The following GALNT17 variants were observed in gnomAD, a reference collection of about 807,000 sequenced individuals.
The protein encoded by GALNT17 is UDP-GalNAc:polypeptide N-acetylgalactosaminyltransferase-like 3.
A neutral mutation model predicts 63.7 loss-of-function variants in GALNT17; 29 were observed. The observed-to-expected ratio is 0.46, with a 90% CI of 0.34 to 0.62. GALNT17 has a LOEUF of 0.62. Among genes scored for constraint, GALNT17 ranks in the 20% least tolerant of loss-of-function variants. The pLI is 0.01. For missense variants in GALNT17, 603 were observed against 799.6 expected (o/e 0.75, Z 2.97); for synonymous variants, 305 against 318.3 (o/e 0.96, Z 0.45).
At chr7:71,527,759 A>G (rs1000923035) in intron 5 of GALNT17, among the ~76,000 whole-genome samples, 3 of 152,188 alleles carry the variant, frequency 2.0e-5, no homozygotes, top group Non-Finnish European at 4.4e-5. Context: ...ACGTGTGTGT[A>G]TGCGCACGCG....
At chr7:71,373,618 G>C (rs1184863306) in intron 2 of GALNT17, among the ~76,000 whole-genome samples, 1 of 146,638 alleles carries the variant, frequency 6.8e-6, no homozygotes, top group Non-Finnish European at 1.5e-5. Context: ...GCTCCTGTCA[G>C]ATCAGCGGCA....
chr7:71,527,750 C>T (rs568391705), intron 5 of GALNT17, among the ~76,000 whole-genome samples: 3 of 152,284 alleles, frequency 2.0e-5, no homozygotes, highest in Admixed American at 6.5e-5. Flanking sequence ...AACACTGGCA[C>T]GTGTGTGTAT....
chr7:71,583,812 C>G (rs931255358), intron 6 of GALNT17, among the ~76,000 whole-genome samples: 6 of 151,844 alleles, frequency 4.0e-5, no homozygotes, highest in Non-Finnish European at 7.4e-5. Flanking sequence ...TGTCCAGGAC[C>G]GTGAAGTCAG....
At chr7:71,230,803 C>G (rs537482602) in intron 1 of GALNT17, among the ~76,000 whole-genome samples, 2 of 152,208 alleles carry the variant, frequency 1.3e-5, no homozygotes, top group Admixed American at 1.3e-4. Context: ...GGGAGTCCGC[C>G]TTGGTTTTCC....
chr7:71,497,042 G>T (rs1215487358), intron 5 of GALNT17, among the ~76,000 whole-genome samples: 3 of 152,108 alleles, frequency 2.0e-5, no homozygotes, highest in Admixed American at 6.6e-5. Context: ...CAAGCCACTG[G>T]TGACACAGTG....
intron 1 of GALNT17, among the ~76,000 whole-genome samples, chr7:71,312,226 G>A (rs148507566): frequency 5.3e-4 from 81 of 152,276 alleles, no homozygotes; most frequent in Non-Finnish European, 9.3e-4. Context: ...CAGGACCTTC[G>A]TGCTACTGTG....
intron 5 of GALNT17, among the ~76,000 whole-genome samples, chr7:71,479,417 G>A (rs2116636854): frequency 6.6e-6 from 1 of 152,326 alleles, no homozygotes; most frequent in Middle Eastern, 3.4e-3. Flanking sequence ...AAGAGGCTGT[G>A]ACAGGTGGAG....
At chr7:71,174,334 A>C (rs1278808655) in intron 1 of GALNT17, among the ~76,000 whole-genome samples, 2 of 152,136 alleles carry the variant, frequency 1.3e-5, no homozygotes, top group African/African-American at 4.8e-5. Context: ...GCACATTGGC[A>C]CTGGGGTGTG....
intron 2 of GALNT17, among the ~76,000 whole-genome samples, chr7:71,344,243 A>G (rs1050924782): frequency 2.6e-5 from 4 of 152,188 alleles, no homozygotes; most frequent in African/African-American, 9.6e-5. Context: ...AAGTGCAATG[A>G]TAAGTAGCTC....
chr7:71,399,006 G>T (rs1793189689), intron 3 of GALNT17, among the ~76,000 whole-genome samples: 1 of 152,068 alleles, frequency 6.6e-6, no homozygotes, highest in Non-Finnish European at 1.5e-5. Flanking sequence ...GCTGAGGTGG[G>T]ACGATCACTT....
At chr7:71,654,887 C>T (rs1346557770) in intron 6 of GALNT17, among the ~76,000 whole-genome samples, 1 of 152,126 alleles carries the variant, frequency 6.6e-6, no homozygotes, top group Non-Finnish European at 1.5e-5. Context: ...CTCCTGGGTT[C>T]GAGCGATTCG....
At chr7:71,339,476 C>T (rs1461992005) in intron 2 of GALNT17, among the ~76,000 whole-genome samples, 1 of 152,128 alleles carries the variant, frequency 6.6e-6, no homozygotes, top group Non-Finnish European at 1.5e-5. Context: ...CACCTGAGGT[C>T]GGGAGTTCGA....
chr7:71,693,226 G>T (rs1249786227), intron 9 of GALNT17, among the ~76,000 whole-genome samples: 1 of 123,378 alleles, frequency 8.1e-6, no homozygotes, highest in Admixed American at 8.6e-5. Flanking sequence ...TACAATACAT[G>T]TATACATATA....
rs61388809 is a variant in GALNT17, at chr7:71,197,015, T to A, written c.238+63975T>A. ...GATACGTAGTAGGTGTATATGTTTATAGAGTACATGAGATACTTTGATTCA... is the reference window on the plus strand; with the variant it reads ...GATACGTAGTAGGTGTATATGTTTAAAGAGTACATGAGATACTTTGATTCA... On this transcript the variant is annotated intron_variant, in intron 1 of 10. Transcript: ENST00000333538. Among the ~76,000 whole-genome samples, 446 of 152,122 alleles carry A rather than the reference T, an allele frequency of 2.9e-3. 11 individuals carry two copies. In the East Asian group the frequency reaches 0.064, roughly 22 times the overall value.
chr7:71,258,720 C>T (rs1484157995), intron 1 of GALNT17, among the ~76,000 whole-genome samples: 1 of 150,210 alleles, frequency 6.7e-6, no homozygotes, highest in Non-Finnish European at 1.5e-5. Flanking sequence ...TAGGAGTTTG[C>T]AGGAAAACTG....
intron 2 of GALNT17, among the ~76,000 whole-genome samples, chr7:71,347,927 T>C (rs2527308): frequency 0.3 from 45,665 of 152,088 alleles, 7,035 homozygotes; most frequent in East Asian, 0.48. Flanking sequence ...CCTCTTTTCA[T>C]GATTTGATTT....
chr7:71,322,048 C>T (rs12154884), intron 1 of GALNT17, among the ~76,000 whole-genome samples: 96,274 of 150,662 alleles, frequency 0.64, 31,043 homozygotes, highest in African/African-American at 0.73. Context: ...ACCTCCTGAG[C>T]TTAAGCAGCT....
intron 5 of GALNT17, among the ~76,000 whole-genome samples, chr7:71,553,374 A>G (rs1239374267): frequency 1.3e-5 from 2 of 152,056 alleles, no homozygotes; most frequent in South Asian, 2.1e-4. Context: ...TTTAGGCTAT[A>G]GAGTTGGTCC....
chr7:71,136,736 C>T (rs985070228), intron 1 of GALNT17, among the ~76,000 whole-genome samples: 12 of 151,890 alleles, frequency 7.9e-5, no homozygotes, highest in East Asian at 3.9e-4. Flanking sequence ...CCTCCTGTTT[C>T]GGCCTCCCAA....
Sources: allele counts gnomAD v4.1 joint callset (sites outside exome capture counted in the v4.1 genomes callset), GRCh38; gene constraint gnomAD v4.1.1; transcripts MANE v1.5; gene names NCBI Gene and HGNC (gene_info 2026-07-23, HGNC 2026-07-21).